Variants in PCDHB2 observed in about 807,000 individuals in gnomAD.
The protein encoded by PCDHB2 is protocadherin beta-2.
For synonymous variants in PCDHB2, 395 were observed against 464.9 expected, an observed-to-expected ratio of 0.85 and a Z score of 1.93; for missense variants, 914 against 1,023.1, an observed-to-expected ratio of 0.89 and a Z score of 1.45.
chr5:141,096,316 A>T lies in PCDHB2; in HGVS notation c.1526A>T (p.Asn509Ile). 1 of 1,613,306 alleles carries T rather than the reference A, an allele frequency of 6.2e-7. No individual in the cohort carries two copies. Among genetic ancestry groups the T allele is most frequent in the Non-Finnish European group, 8.5e-7 (1 of 1,179,920 alleles). The change falls in exon 1 of 1, where the codon AAC (asparagine) becomes ATC (isoleucine). Residue 509 changes from asparagine (N) to isoleucine (I), a missense_variant. Asn to Ile is a moderately radical substitution (Grantham distance 149, BLOSUM62 -3). Coordinates refer to ENST00000194155, the MANE Select transcript of PCDHB2 (RefSeq NM_018936.4). ...CCCCTCGCCTCCCTGGTCTCCATCAACGCGGACAACGGCCACCTGTTCGCT... is the reference window on the plus strand; with the variant it reads ...CCCCTCGCCTCCCTGGTCTCCATCATCGCGGACAACGGCCACCTGTTCGCT... ...HLPLASLVSINADNGHLFALQ... is the reference protein window; with the variant it reads ...HLPLASLVSIIADNGHLFALQ...
Position 141,096,824 on chromosome 5 carries a change from G to C in PCDHB2, c.2034G>C (p.Ala678=). The stretch of plus-strand genomic sequence containing the variant: ...AGCCCTACCTGCTGCTCCCGGAGGC[G>C]GCACCGGCCCAGGCCCAGGCCGACT... The part of the protein sequence containing the change: ...FSQPYLLLPE[A]APAQAQADLL... The change falls in exon 1 of 1, where the codon GCG becomes GCC. Residue 678 remains alanine, a synonymous_variant. Coordinates refer to ENST00000194155, the MANE Select transcript of PCDHB2 (RefSeq NM_018936.4). 1 of 1,610,632 alleles carries C rather than the reference G, an allele frequency of 6.2e-7. No homozygotes were observed. The highest frequency in any genetic ancestry group is 8.5e-7 in the Non-Finnish European group (1 of 1,179,764).
Position 141,095,488 on chromosome 5 carries a change from A to G in PCDHB2, c.698A>G (p.Glu233Gly). ...TCCGGCACGGCCCTGGTACGGATTG[A>G]AGTTGTGGACATCAATGACAACGTC... is the stretch of plus-strand genomic sequence containing the variant. ...PRSGTALVRIEVVDINDNVPE... is the reference protein window; with the variant it reads ...PRSGTALVRIGVVDINDNVPE... The change falls in exon 1 of 1, where the codon GAA becomes GGA. Residue 233 changes from glutamate (E) to glycine (G), a missense_variant. By Grantham distance (98) the Glu-to-Gly change is moderately conservative. Coordinates refer to ENST00000194155, the MANE Select transcript of PCDHB2 (RefSeq NM_018936.4). 1 of 1,614,084 alleles carries G rather than the reference A, an allele frequency of 6.2e-7. No homozygotes were observed. Among genetic ancestry groups the G allele is most frequent in the Non-Finnish European group, 8.5e-7 (1 of 1,179,990 alleles).
Position 141,095,611 on chromosome 5 carries a change from G to C in PCDHB2, c.821G>C (p.Gly274Ala), listed in dbSNP as rs372976828. Residue 274 changes from glycine to alanine, a missense_variant, in exon 1 of 1, where the codon GGA (glycine) becomes GCA (alanine). By Grantham distance (60) the Gly-to-Ala change is moderately conservative. Coordinates refer to ENST00000194155, the MANE Select transcript of PCDHB2 (RefSeq NM_018936.4). ...AIVSARDLDI[G>A]TNGEISYAFS... The stretch of plus-strand genomic sequence containing the variant: ...GTCTCTGCCAGGGATTTAGACATTG[G>C]AACTAATGGAGAAATATCTTATGCA... The C allele has an allele frequency of 4.3e-6, 7 of 1,614,056 alleles. No homozygotes were observed. The African/African-American group carries it at 9.3e-5, about 22-fold the overall frequency.
At position 141,096,749 on chromosome 5, in the gene PCDHB2, G is replaced by A; in HGVS notation, c.1959G>A (p.Pro653=). ...TGGTCAAGGACAATGGCGAGCCTCC[G>A]CGCTCGGCCACCGCCACGCTGCACG... ...VVLVKDNGEP[P]RSATATLHVL... Residue 653 remains proline, a synonymous_variant, in exon 1 of 1, where the codon CCG becomes CCA. Transcript: ENST00000194155. 2 of 1,609,944 alleles carry A rather than the reference G, an allele frequency of 1.2e-6. No homozygotes were observed. The highest frequency in any genetic ancestry group is 1.3e-5 in the African/African-American group (1 of 74,984).
Position 141,096,676 on chromosome 5 carries a change from C to T in PCDHB2, c.1886C>T (p.Ala629Val). ...GCGCACAATGGCGAGGTGCGCACCG[C>T]CAGGCTGCTGAGGGAGCGCGACGCT... The part of the protein sequence containing the change: ...VWAHNGEVRT[A>V]RLLRERDAAK... The change falls in exon 1 of 1, where the codon GCC becomes GTC. Residue 629 changes from alanine to valine, a missense_variant. By Grantham distance (64) the Ala-to-Val change is moderately conservative (BLOSUM62 0). Coordinates refer to ENST00000194155, the MANE Select transcript of PCDHB2 (RefSeq NM_018936.4). 6.2e-7 allele frequency: 1 copy of T among 1,610,228 alleles called. No homozygotes were observed. The highest frequency in any genetic ancestry group is 8.5e-7 in the Non-Finnish European group (1 of 1,179,644).
At position 141,097,203 on chromosome 5, in the gene PCDHB2, T is replaced by C; in HGVS notation, c.*16T>C. On this transcript the variant is annotated 3_prime_UTR_variant, in exon 1 of 1. Coordinates refer to ENST00000194155, the MANE Select transcript of PCDHB2 (RefSeq NM_018936.4). The stretch of plus-strand genomic sequence containing the variant: ...ATTCACTTAAGTGTTAATAAGGATC[T>C]ACTGAGGCTAGTCTCGTTTAATTTG... The C allele has an allele frequency of 6.3e-7, 1 of 1,589,280 alleles. No individual in the cohort carries two copies. Among genetic ancestry groups the C allele is most frequent in the Non-Finnish European group, 8.6e-7 (1 of 1,166,534 alleles).
Position 141,095,039 on chromosome 5 carries a change from C to T in PCDHB2, c.249C>T (p.Thr83=), listed in dbSNP as rs1554271145. 5.0e-6 allele frequency: 8 copies of T among 1,613,874 alleles called. No individual in the cohort carries two copies. Among genetic ancestry groups the T allele is most frequent in the Non-Finnish European group, 6.8e-6 (8 of 1,179,946 alleles). ...KKMHLQFDRQ[T]GDLLLNEKLD... is the part of the protein sequence containing the mutation. ...TGCATTTGCAGTTCGATAGGCAGAC[C>T]GGGGATTTGTTGTTAAATGAGAAAT... Residue 83 remains threonine, a synonymous_variant, in exon 1 of 1, where the codon ACC becomes ACT. Coordinates refer to ENST00000194155, the MANE Select transcript of PCDHB2 (RefSeq NM_018936.4).
Position 141,095,473 on chromosome 5 carries a change from C to G in PCDHB2, c.683C>G (p.Ala228Gly), listed in dbSNP as rs782424806. 3 of 1,614,148 alleles carry G rather than the reference C, an allele frequency of 1.9e-6. No homozygotes were observed. The highest frequency in any genetic ancestry group is 2.5e-6 in the Non-Finnish European group (3 of 1,180,016). The change falls in exon 1 of 1, where the codon GCC becomes GGC. Residue 228 changes from alanine (A) to glycine (G), a missense_variant. By Grantham distance (60) the Ala-to-Gly change is moderately conservative. Transcript: ENST00000194155. The part of the protein sequence containing the change: ...DGGSPPRSGT[A>G]LVRIEVVDIN... ...GGGAGTCCACCCAGGTCCGGCACGG[C>G]CCTGGTACGGATTGAAGTTGTGGAC... is the stretch of plus-strand genomic sequence containing the variant.
Position 141,097,135 on chromosome 5 carries a change from A to T in PCDHB2, c.2345A>T (p.Glu782Val). ...IIPNFVAQGA[E>V]RVSEANPSFR... is the part of the protein sequence containing the mutation. ...CCCAACTTCGTTGCTCAGGGTGCAG[A>T]GAGGGTTAGCGAGGCAAATCCCAGT... The change falls in exon 1 of 1, where the codon GAG becomes GTG. Residue 782 changes from glutamate to valine, a missense_variant. Coordinates refer to ENST00000194155, the MANE Select transcript of PCDHB2 (RefSeq NM_018936.4). The T allele has an allele frequency of 6.2e-7, 1 of 1,605,460 alleles. No homozygotes were observed. Among genetic ancestry groups the T allele is most frequent in the Non-Finnish European group, 8.5e-7 (1 of 1,175,644 alleles).
Position 141,096,696 on chromosome 5 carries a change from G to A in PCDHB2, c.1906G>A (p.Asp636Asn). 6.2e-7 allele frequency: 1 copy of A among 1,610,686 alleles called. No homozygotes were observed. Among genetic ancestry groups the A allele is most frequent in the Non-Finnish European group, 8.5e-7 (1 of 1,179,668 alleles). Residue 636 changes from aspartate (D) to asparagine (N), a missense_variant, in exon 1 of 1, where the codon GAC becomes AAC. Asp to Asn is a conservative substitution (Grantham distance 23). Transcript: ENST00000194155. ...CACCGCCAGGCTGCTGAGGGAGCGC[G>A]ACGCTGCCAAGCAGAGGCTGGTGGT... is the stretch of plus-strand genomic sequence containing the variant. ...VRTARLLRER[D>N]AAKQRLVVLV...
At position 141,095,491 on chromosome 5, in the gene PCDHB2, T is replaced by C; in HGVS notation, c.701T>C (p.Val234Ala). 6.2e-7 allele frequency: 1 copy of C among 1,614,006 alleles called. No homozygotes were observed. Among genetic ancestry groups the C allele is most frequent in the Non-Finnish European group, 8.5e-7 (1 of 1,179,980 alleles). ...GGCACGGCCCTGGTACGGATTGAAG[T>C]TGTGGACATCAATGACAACGTCCCA... Reference protein sequence around the residue: ...RSGTALVRIEVVDINDNVPEF... With the variant: ...RSGTALVRIEAVDINDNVPEF... The change falls in exon 1 of 1, where the codon GTT (valine) becomes GCT (alanine). Residue 234 changes from valine to alanine, a missense_variant. By Grantham distance (64) the Val-to-Ala change is moderately conservative. Transcript: ENST00000194155.
At position 141,096,864 on chromosome 5, in the gene PCDHB2, C is replaced by A; in HGVS notation, c.2074C>A (p.Leu692Met). 1 of 1,611,672 alleles carries A rather than the reference C, an allele frequency of 6.2e-7. No homozygotes were observed. The highest frequency in any genetic ancestry group is 8.5e-7 in the Non-Finnish European group (1 of 1,179,802). Reference protein sequence around the residue: ...QAQADLLTVYLVVALASVSSL... With the variant: ...QAQADLLTVYMVVALASVSSL... ...CCAGGCCGACTTGCTCACCGTCTAC[C>A]TGGTGGTGGCGTTGGCCTCGGTGTC... Residue 692 changes from leucine to methionine, a missense_variant, in exon 1 of 1, where the codon CTG becomes ATG. Leu to Met is a conservative substitution (Grantham distance 15). Transcript: ENST00000194155.
chr5:141,094,768 G>T lies in PCDHB2; in HGVS notation c.-23G>T, dbSNP rs1751762130. 1.3e-6 allele frequency: 2 copies of T among 1,523,472 alleles called. No homozygotes were observed. Among genetic ancestry groups the T allele is most frequent in the African/African-American group, 2.8e-5 (2 of 71,950 alleles). The allele number at this position is 1,523,472 out of a possible 1,614,324, so 94.4% of individuals were successfully genotyped here. On this transcript the variant is annotated 5_prime_UTR_variant, in exon 1 of 1. Coordinates refer to ENST00000194155, the MANE Select transcript of PCDHB2 (RefSeq NM_018936.4). ...ACAACGTGAGCCAGAGCTGGAGCACGTTTGGTGAGAGACCAGAAAGCAATG... is the reference window on the plus strand; with the variant it reads ...ACAACGTGAGCCAGAGCTGGAGCACTTTTGGTGAGAGACCAGAAAGCAATG...
chr5:141,097,177 A>G lies in PCDHB2; in HGVS notation c.2387A>G (p.Glu796Gly). The part of the protein sequence containing the change: ...EANPSFRKSF[E>G]FT ...AATCCCAGTTTCAGGAAGAGCTTTG[A>G]ATTCACTTAAGTGTTAATAAGGATC... Residue 796 changes from glutamate (E) to glycine (G), a missense_variant, in exon 1 of 1, where the codon GAA (glutamate) becomes GGA (glycine). Physicochemically the swap from Glu to Gly is moderately conservative, Grantham distance 98 (BLOSUM62 -2). Transcript: ENST00000194155. The G allele has an allele frequency of 6.2e-7, 1 of 1,607,484 alleles. No individual in the cohort carries two copies. Among genetic ancestry groups the G allele is most frequent in the South Asian group, 1.1e-5 (1 of 90,100 alleles).
chr5:141,094,652 G>A lies in PCDHB2; in HGVS notation c.-139G>A. ...AAAGAAGCAGCAAGCAGGAAGAGGA[G>A]GCTTTCTAAGGCGGTCGCTCCGGGA... On this transcript the variant is annotated 5_prime_UTR_variant, in exon 1 of 1. Transcript: ENST00000194155. The A allele has an allele frequency of 1.7e-6, 1 of 603,692 alleles. No homozygotes were observed. The highest frequency in any genetic ancestry group is 3.5e-5 in the Admixed American group (1 of 28,662). The allele number at this position is 603,692 out of a possible 1,614,324, so 37.4% of individuals were successfully genotyped here.
In PCDHB2 at chr5:141,095,405, G is replaced by C. The variant is rs1751786615; in HGVS notation, c.615G>C (p.Glu205Asp). The part of the protein sequence containing the change: ...QLVLNRALDR[E>D]EQPEIRLTLT... ...TGCTGAACAGAGCCCTGGATCGCGAGGAGCAGCCTGAGATCAGGTTAACCC... is the reference window on the plus strand; with the variant it reads ...TGCTGAACAGAGCCCTGGATCGCGACGAGCAGCCTGAGATCAGGTTAACCC... The change falls in exon 1 of 1, where the codon GAG becomes GAC. Residue 205 changes from glutamate (E) to aspartate (D), a missense_variant. Physicochemically the swap from Glu to Asp is conservative, Grantham distance 45. Transcript: ENST00000194155. 6.2e-7 allele frequency: 1 copy of C among 1,614,136 alleles called. No individual in the cohort carries two copies. Among genetic ancestry groups the C allele is most frequent in the Admixed American group, 1.7e-5 (1 of 60,026 alleles).
Position 141,097,239 on chromosome 5 carries a change from T to C in PCDHB2, c.*52T>C. The C allele has an allele frequency of 6.6e-7, 1 of 1,526,084 alleles. No homozygotes were observed. Among genetic ancestry groups the C allele is most frequent in the Non-Finnish European group, 8.8e-7 (1 of 1,135,048 alleles). 94.5% of individuals were successfully genotyped at this position (1,526,084 alleles called of 1,614,324 possible). ...GTCTCGTTTAATTTGTGGAAAGTCC[T>C]TTTTTACTGCTTTGCCCATTGGAGG... is the stretch of plus-strand genomic sequence containing the variant. On this transcript the variant is annotated 3_prime_UTR_variant, in exon 1 of 1. Coordinates refer to ENST00000194155, the MANE Select transcript of PCDHB2 (RefSeq NM_018936.4).
At position 141,095,400 on chromosome 5, in the gene PCDHB2, C is replaced by T; in HGVS notation, c.610C>T (p.Arg204Cys). 1 of 1,614,090 alleles carries T rather than the reference C, an allele frequency of 6.2e-7. No individual in the cohort carries two copies. The highest frequency in any genetic ancestry group is 1.6e-4 in the Middle Eastern group (1 of 6,062). ...PQLVLNRALD[R>C]EEQPEIRLTL... ...GCTGGTGCTGAACAGAGCCCTGGAT[C>T]GCGAGGAGCAGCCTGAGATCAGGTT... Residue 204 changes from arginine to cysteine, a missense_variant, in exon 1 of 1, where the codon CGC becomes TGC. Transcript: ENST00000194155.
At position 141,096,622 on chromosome 5, in the gene PCDHB2, C is replaced by T; in HGVS notation, c.1832C>T (p.Ala611Val). Residue 611 changes from alanine to valine, a missense_variant, in exon 1 of 1, where the codon GCC (alanine) becomes GTC (valine). Ala to Val is a moderately conservative substitution (Grantham distance 64, BLOSUM62 0). Coordinates refer to ENST00000194155, the MANE Select transcript of PCDHB2 (RefSeq NM_018936.4). ...NAWLSYQLLKATEPGLFGVWA... is the reference protein window; with the variant it reads ...NAWLSYQLLKVTEPGLFGVWA... The stretch of plus-strand genomic sequence containing the variant: ...TGGCTGTCGTACCAGCTGCTCAAGG[C>T]CACGGAGCCCGGGCTGTTCGGCGTG... The T allele has an allele frequency of 6.2e-7, 1 of 1,607,684 alleles. No homozygotes were observed. The highest frequency in any genetic ancestry group is 8.5e-7 in the Non-Finnish European group (1 of 1,179,430).
Sources: gnomAD v4.1 joint callset for allele counts on GRCh38, gnomAD v4.1.1 for gene constraint, MANE v1.5 for transcripts, NCBI Gene and HGNC (gene_info 2026-07-23, HGNC 2026-07-21) for gene names.